The following CPLX4 variants were observed in gnomAD, a reference collection of about 807,000 sequenced individuals.
CPLX4 encodes the protein complexin 4.
A neutral mutation model predicts 16.1 loss-of-function variants in CPLX4; 17 were observed. The observed-to-expected ratio is 1.06, with a 90% CI of 0.72 to 1.59. CPLX4 has a LOEUF of 1.59. CPLX4 is among the 40% of genes most tolerant of loss of function. The pLI is 0.00. For synonymous variants in CPLX4, 55 were observed against 57.8 expected, an observed-to-expected ratio of 0.95 and a Z score of 0.22; for missense variants, 193 against 192.9, an observed-to-expected ratio of 1.00 and a Z score of 0.00.
At position 59,296,799 on chromosome 18, in the gene CPLX4, G is replaced by A. The variant is rs748906033; in HGVS notation, c.382C>T (p.Gln128Ter). The change falls in exon 3 of 3, where the codon CAG becomes TAG. Residue 128 changes from glutamine (Q) to a stop codon, truncating the protein, a stop_gained. Transcript: ENST00000299721. LOFTEE classifies it high-confidence loss of function. ...TCCAAGTCCATGTTCTGGAGATTCT[G>A]TATCTGCCCAAGAATAGAATCTTTA... ...EDKDSILGQI[Q>*]NLQNMDLDTI... The A allele has an allele frequency of 1.2e-6, 2 of 1,613,588 alleles. No homozygotes were observed. The highest frequency in any genetic ancestry group is 4.5e-5 in the East Asian group (2 of 44,858).
At chr18:59,299,358 G>A (rs1045801892) in intron 2 of CPLX4, among the ~76,000 whole-genome samples, 49 of 152,126 alleles carry the variant, frequency 3.2e-4, no homozygotes, top group African/African-American at 1.2e-3. Context: ...ACATTCCCGG[G>A]AATTCTGGCC....
At chr18:59,298,234 T>C (rs2070516384) in intron 2 of CPLX4, among the ~76,000 whole-genome samples, 1 of 152,000 alleles carries the variant, frequency 6.6e-6, no homozygotes, top group Admixed American at 6.6e-5. Flanking sequence ...GGACTACAGG[T>C]ATGCACCCCC....
rs2070499865 is a variant in CPLX4, at chr18:59,296,272, T to A, written c.*426A>T. ...CTCAGCTCCCTGTGGGAAACCCGGC[T>A]CCCAGTAGACACCTTGACTCTCCAC... On this transcript the variant is annotated 3_prime_UTR_variant, in exon 3 of 3. Coordinates refer to ENST00000299721, the MANE Select transcript of CPLX4 (RefSeq NM_181654.4). 1 of 209,502 alleles carries A rather than the reference T, an allele frequency of 4.8e-6. No individual in the cohort carries two copies. Among genetic ancestry groups the A allele is most frequent in the South Asian group, 8.2e-5 (1 of 12,176 alleles). 13.0% of individuals were successfully genotyped at this position (209,502 alleles called of 1,614,324 possible). A position where few individuals can be genotyped will look rare whatever the true frequency, so the allele number is the denominator to read the frequency against.
At position 59,296,376 on chromosome 18, in the gene CPLX4, G is replaced by A. The variant is rs879887262; in HGVS notation, c.*322C>T. ...TTGGCCTCCAAGGAAGAAAGTTGGA[G>A]AGGAAATGCCCCTTGCTTTTGTTTC... is the stretch of plus-strand genomic sequence containing the variant. On this transcript the variant is annotated 3_prime_UTR_variant, in exon 3 of 3. Transcript: ENST00000299721. The A allele has an allele frequency of 2.4e-5, 8 of 330,160 alleles. No individual in the cohort carries two copies. Among genetic ancestry groups the A allele is most frequent in the Non-Finnish European group, 4.4e-5 (8 of 180,096 alleles). 20.5% of individuals were successfully genotyped at this position (330,160 alleles called of 1,614,324 possible).
chr18:59,308,794 C>G (rs1401681430), intron 2 of CPLX4, among the ~76,000 whole-genome samples: 1 of 152,172 alleles, frequency 6.6e-6, no homozygotes, highest in South Asian at 2.1e-4. Context: ...GCCTGGGAAA[C>G]GTGTCTGTCC....
intron 2 of CPLX4, among the ~76,000 whole-genome samples, chr18:59,298,270 C>T (rs796634448): frequency 4.6e-5 from 7 of 152,164 alleles, no homozygotes; most frequent in African/African-American, 1.7e-4. Context: ...TCTTTTACCA[C>T]TTAGGCTATA....
At chr18:59,306,125 G>C (rs2070575521) in intron 2 of CPLX4, among the ~76,000 whole-genome samples, 1 of 152,216 alleles carries the variant, frequency 6.6e-6, no homozygotes, top group African/African-American at 2.4e-5. Flanking sequence ...AAAAAGCCAT[G>C]TTTACTCAGA....
chr18:59,313,337 C>T (rs761838577), intron 1 of CPLX4, among the ~76,000 whole-genome samples: 6 of 152,080 alleles, frequency 3.9e-5, no homozygotes, highest in Non-Finnish European at 8.8e-5. Context: ...AATTTAGGTA[C>T]GGTATTTTCT....
At chr18:59,299,591 G>A (rs1356015054) in intron 2 of CPLX4, among the ~76,000 whole-genome samples, 1 of 152,194 alleles carries the variant, frequency 6.6e-6, no homozygotes, top group African/African-American at 2.4e-5. Flanking sequence ...ACCATCTATG[G>A]CTCTGCAGCG....
rs2070497290 is a variant in CPLX4, at chr18:59,295,981, G to A, written c.*717C>T. 1 of 152,246 alleles carries A rather than the reference G, an allele frequency of 6.6e-6. No individual in the cohort carries two copies. Among genetic ancestry groups the A allele is most frequent in the South Asian group, 2.1e-4 (1 of 4,820 alleles). 9.4% of individuals were successfully genotyped at this position (152,246 alleles called of 1,614,324 possible). A position where few individuals can be genotyped will look rare whatever the true frequency, so the allele number is the denominator to read the frequency against. ...CTCAAAAAGAGCAGCCGTCTGCCTG[G>A]TTTCCCTCTGCCTCTAATTGTGCCT... On this transcript the variant is annotated 3_prime_UTR_variant, in exon 3 of 3. Coordinates refer to ENST00000299721, the MANE Select transcript of CPLX4 (RefSeq NM_181654.4).
Position 59,318,404 on chromosome 18 carries a change from C to G in CPLX4, c.59G>C (p.Gly20Ala), listed in dbSNP as rs751169802. ...SNQVKNLGFGGGSEENKEEGG... is the reference protein window; with the variant it reads ...SNQVKNLGFGAGSEENKEEGG... ...TTCTTCTTTATTTTCTTCAGACCCACCACCAAATCCTAAATTCTTTACCTG... is the reference window on the plus strand; with the variant it reads ...TTCTTCTTTATTTTCTTCAGACCCAGCACCAAATCCTAAATTCTTTACCTG... Residue 20 changes from glycine to alanine, a missense_variant, in exon 1 of 3, where the codon GGT becomes GCT. Physicochemically the swap from Gly to Ala is moderately conservative, Grantham distance 60. Coordinates refer to ENST00000299721, the MANE Select transcript of CPLX4 (RefSeq NM_181654.4). 2 of 1,613,820 alleles carry G rather than the reference C, an allele frequency of 1.2e-6. No homozygotes were observed. The highest frequency in any genetic ancestry group is 1.7e-5 in the Admixed American group (1 of 59,988).
intron 2 of CPLX4, among the ~76,000 whole-genome samples, 195 bp from the exon 3 acceptor site, chr18:59,297,120 T>A (rs1371181613): frequency 5.9e-5 from 9 of 151,992 alleles, no homozygotes. Context: ...CATGGCACCT[T>A]GCGTCGATCA....
intron 1 of CPLX4, among the ~76,000 whole-genome samples, chr18:59,316,338 T>C (rs78204564): frequency 0.023 from 3,513 of 152,184 alleles, 144 homozygotes; most frequent in African/African-American, 0.079. Flanking sequence ...TGCTAAATAG[T>C]TTTTTATTTA....
At chr18:59,309,895 T>C (rs2144188547) in intron 2 of CPLX4, among the ~76,000 whole-genome samples, 1 of 151,682 alleles carries the variant, frequency 6.6e-6, no homozygotes. Context: ...AGGAGCCCTG[T>C]TGAAGTCCTT....
chr18:59,318,640 G>A lies in CPLX4; in HGVS notation c.-178C>T. 1 of 1,194,058 alleles carries A rather than the reference G, an allele frequency of 8.4e-7. No individual in the cohort carries two copies. The allele number at this position is 1,194,058 out of a possible 1,614,324, so 74.0% of individuals were successfully genotyped here. A position where few individuals can be genotyped will look rare whatever the true frequency, so the allele number is the denominator to read the frequency against. On this transcript the variant is annotated 5_prime_UTR_variant, in exon 1 of 3. Coordinates refer to ENST00000299721, the MANE Select transcript of CPLX4 (RefSeq NM_181654.4). ...ACTGATAGAGAAGAGTGGTTTGTCG[G>A]CCGTAAGCTGGATTAAAGTGGTGAA...
chr18:59,313,630 C>T (rs778076314), intron 1 of CPLX4, among the ~76,000 whole-genome samples: 4 of 152,154 alleles, frequency 2.6e-5, no homozygotes, highest in African/African-American at 4.8e-5. Context: ...GACCAAGCTC[C>T]GTAAATGAAA....
chr18:59,306,239 T>C (rs575977234), intron 2 of CPLX4, among the ~76,000 whole-genome samples: 196 of 152,300 alleles, frequency 1.3e-3, no homozygotes, highest in African/African-American at 4.4e-3. Context: ...GAATAATTAG[T>C]GGTGTGCGAT....
At chr18:59,307,608 GA>G (rs1223332070) in intron 2 of CPLX4, among the ~76,000 whole-genome samples, 2 of 152,084 alleles carry the variant, frequency 1.3e-5, no homozygotes, top group Non-Finnish European at 2.9e-5. Flanking sequence ...CAGTTCTTTG[GA>G]CAGAGCACCA....
chr18:59,300,022 G>A (rs895150088), intron 2 of CPLX4, among the ~76,000 whole-genome samples: 9 of 152,198 alleles, frequency 5.9e-5, no homozygotes, highest in Admixed American at 1.3e-4. Context: ...CTGGCATGTA[G>A]ACACAGACAA....
Sources: allele counts gnomAD v4.1 joint callset (sites outside exome capture counted in the v4.1 genomes callset), GRCh38; gene constraint gnomAD v4.1.1; transcripts MANE v1.5; gene names NCBI Gene and HGNC (gene_info 2026-07-23, HGNC 2026-07-21).